The following CALHM4 variants were observed in gnomAD, a reference collection of about 807,000 sequenced individuals.
CALHM4 encodes calcium homeostasis modulator family member 4, also known as calcium homeostasis modulator protein 4.
CALHM4 carries 16 observed loss-of-function variants against 13.3 expected under a neutral mutation model. The observed-to-expected ratio is 1.20, with a 90% CI of 0.81 to 1.82. The LOEUF is 1.82. CALHM4 is among the 40% of genes most tolerant of loss of function. The pLI, the probability that CALHM4 is intolerant of heterozygous loss-of-function variation, is 0.00. For synonymous variants in CALHM4, 127 were observed against 137.1 expected (o/e 0.93, Z 0.52); for missense variants, 344 against 374.9 (o/e 0.92, Z 0.68).
chr6:116,550,939 C>T (rs934341300), upstream of CALHM4, among the ~76,000 whole-genome samples: 1 of 152,150 alleles, frequency 6.6e-6, no homozygotes, highest in African/African-American at 2.4e-5. Flanking sequence ...TTATCTAATT[C>T]TCATACACCA....
chr6:116,547,302 T>A (rs892094271), intron 2 of CALHM4, among the ~76,000 whole-genome samples: 3 of 152,082 alleles, frequency 2.0e-5, no homozygotes, highest in Admixed American at 6.6e-5. Context: ...TGCTGCGAGG[T>A]GATGGCGGTA....
intron 2 of CALHM4, among the ~76,000 whole-genome samples, chr6:116,546,169 G>C (rs117679433): frequency 6.6e-6 from 1 of 152,088 alleles, no homozygotes; most frequent in African/African-American, 2.4e-5. Context: ...TGATAGAATG[G>C]GCAATATTTT....
Position 116,554,144 on chromosome 6 carries a change from T to C in CALHM4, c.351T>C (p.Thr117=), listed in dbSNP as rs1774202418. ...GGAGGGCAGTTATTGCTCCTTTAAC[T>C]TGGCTGGCGGTGACCCTGCTGACAG... ...ITGRAVIAPL[T]WLAVTLLTGT... The change falls in exon 1 of 2, where the codon ACT becomes ACC. Residue 117 remains threonine (T), a synonymous_variant. Coordinates refer to ENST00000368596, the MANE Select transcript of CALHM4 (RefSeq NM_001366078.2). The C allele has an allele frequency of 2.6e-6, 4 of 1,550,596 alleles. No individual in the cohort carries two copies. The highest frequency in any genetic ancestry group is 3.5e-6 in the Non-Finnish European group (4 of 1,146,988).
intron 2 of CALHM4, among the ~76,000 whole-genome samples, chr6:116,546,909 C>T (rs1306422359): frequency 2.0e-5 from 3 of 152,054 alleles, no homozygotes; most frequent in South Asian, 2.1e-4. Flanking sequence ...CAAATAATAA[C>T]GACTTATATG....
In CALHM4 at chr6:116,553,945, A is replaced by C. The variant is rs377447465; in HGVS notation, c.152A>C (p.Tyr51Ser). The C allele has an allele frequency of 3.4e-5, 52 of 1,550,566 alleles. No homozygotes were observed. The African/African-American group carries it at 5.1e-4, about 15-fold the overall frequency. ...CPCQVGKNFY[Y>S]GSAFLVIPAL... ...TGTCAGGTTGGAAAAAATTTCTATT[A>C]TGGTTCTGCTTTTCTTGTCATTCCT... The change falls in exon 1 of 2, where the codon TAT becomes TCT. Residue 51 changes from tyrosine to serine, a missense_variant. Physicochemically the swap from Tyr to Ser is moderately radical, Grantham distance 144 (BLOSUM62 -2). Coordinates refer to ENST00000368596, the MANE Select transcript of CALHM4 (RefSeq NM_001366078.2).
At chr6:116,540,384 T>G in intron 1 of CALHM4, 2 of 1,551,196 alleles carry the variant, frequency 1.3e-6, no homozygotes, top group Non-Finnish European at 1.7e-6. Context: ...TGTCTATAAT[T>G]TCTGAATAAC....
At chr6:116,533,355 A>C (rs1228568272) in intron 1 of CALHM4, among the ~76,000 whole-genome samples, 2 of 152,220 alleles carry the variant, frequency 1.3e-5, no homozygotes, top group African/African-American at 4.8e-5. Context: ...TCAGAAGAAA[A>C]GTTTGCACAC....
At chr6:116,539,224 A>G (rs745981226) in intron 1 of CALHM4, among the ~76,000 whole-genome samples, 18 of 152,240 alleles carry the variant, frequency 1.2e-4, no homozygotes, top group Non-Finnish European at 2.2e-4. Context: ...AAAATGTTTT[A>G]TTTTATTTTT....
intron 1 of CALHM4, among the ~76,000 whole-genome samples, chr6:116,541,079 A>G (rs890766952): frequency 6.6e-6 from 1 of 152,142 alleles, no homozygotes; most frequent in South Asian, 2.1e-4. Flanking sequence ...GGGGGAAGGT[A>G]TTGTATTATC....
chr6:116,542,742 T>A (rs536889826), intron 1 of CALHM4, among the ~76,000 whole-genome samples: 2 of 152,224 alleles, frequency 1.3e-5, no homozygotes, highest in South Asian at 4.1e-4. Context: ...CTACCTAATA[T>A]GTTTTTTAAG....
intron 2 of CALHM4, among the ~76,000 whole-genome samples, chr6:116,547,562 G>T (rs955712541): frequency 6.6e-6 from 1 of 152,130 alleles, no homozygotes; most frequent in Non-Finnish European, 1.5e-5. Flanking sequence ...AGGGGACACT[G>T]GTTTGCTGGT....
rs1487409261 is a variant in CALHM4, at chr6:116,560,393, C to A, written c.*2182C>A. 6.6e-6 allele frequency among the ~76,000 whole-genome samples: 1 copy of A among 152,128 alleles called. No homozygotes were observed. Among genetic ancestry groups the A allele is most frequent in the East Asian group, 1.9e-4 (1 of 5,196 alleles). ...ATACCCTAATACCAGGAAACTATTT[C>A]CACTAGCTTCTGAAGCCCTTCTACA... On this transcript the variant is annotated 3_prime_UTR_variant, in exon 2 of 2. Coordinates refer to ENST00000368596, the MANE Select transcript of CALHM4 (RefSeq NM_001366078.2).
At chr6:116,546,312 C>A (rs576177129) in intron 2 of CALHM4, among the ~76,000 whole-genome samples, 2 of 152,214 alleles carry the variant, frequency 1.3e-5, no homozygotes, top group East Asian at 3.9e-4. Context: ...TCTTTATTTA[C>A]GCAGAAATAC....
chr6:116,543,754 C>T (rs1326835278), intron 1 of CALHM4: 1 of 1,349,196 alleles, frequency 7.4e-7, no homozygotes, highest in East Asian at 2.5e-5. Context: ...ATATGCCATC[C>T]ATGTTTTCAG....
At chr6:116,550,998 C>G (rs1472859502), upstream of CALHM4, among the ~76,000 whole-genome samples, 1 of 152,168 alleles carries the variant, frequency 6.6e-6, no homozygotes, top group Non-Finnish European at 1.5e-5. Context: ...GTCGCGGGCA[C>G]GTAGGGCTAA....
chr6:116,542,458 G>T (rs1272722475), intron 1 of CALHM4, among the ~76,000 whole-genome samples: 1 of 152,030 alleles, frequency 6.6e-6, no homozygotes, highest in Non-Finnish European at 1.5e-5. Flanking sequence ...CTTTTAAAAA[G>T]CTCTAAAATG....
chr6:116,545,266 C>T (rs1773711777), intron 2 of CALHM4, among the ~76,000 whole-genome samples: 1 of 151,676 alleles, frequency 6.6e-6, no homozygotes, highest in African/African-American at 2.4e-5. Context: ...AAAAGAAGAC[C>T]TTAAAGTGTG....
In CALHM4 at chr6:116,558,941, A is replaced by G. The variant is rs1473454061; in HGVS notation, c.*730A>G. 2 of 152,192 alleles carry G rather than the reference A, an allele frequency of 1.3e-5. No individual in the cohort carries two copies. The highest frequency in any genetic ancestry group is 1.3e-4 in the Admixed American group (2 of 15,270). 9.4% of individuals were successfully genotyped at this position (152,192 alleles called of 1,614,324 possible). A position where few individuals can be genotyped will look rare whatever the true frequency, so the allele number is the denominator to read the frequency against. On this transcript the variant is annotated 3_prime_UTR_variant, in exon 2 of 2. Transcript: ENST00000368596. Reference sequence around the variant, plus strand: ...CCATACTAGGAGCATTTTTATGGCCACTACATATAAAGTTTCTTCTAGAAA... The same window carrying G: ...CCATACTAGGAGCATTTTTATGGCCGCTACATATAAAGTTTCTTCTAGAAA...
At chr6:116,533,321 A>T (rs905544127) in intron 1 of CALHM4, among the ~76,000 whole-genome samples, 5 of 152,262 alleles carry the variant, frequency 3.3e-5, no homozygotes, top group Non-Finnish European at 7.3e-5. Flanking sequence ...CAAATTTCAC[A>T]GTATTTAACA....
Sources: allele counts gnomAD v4.1 joint callset (sites outside exome capture counted in the v4.1 genomes callset), GRCh38; gene constraint gnomAD v4.1.1; transcripts MANE v1.5; gene names NCBI Gene and HGNC (gene_info 2026-07-23, HGNC 2026-07-21).